Variants in CALCR observed in about 807,000 individuals in gnomAD.
The protein encoded by CALCR is calcitonin receptor.
A neutral mutation model predicts 59.5 loss-of-function variants in CALCR; 47 were observed. The ratio of observed to expected loss-of-function variants is 0.79; its 90% CI spans 0.63 to 1.01. CALCR has a LOEUF of 1.01. CALCR is among the 50% of genes least tolerant of loss of function. The pLI is 0.00. For synonymous variants in CALCR, 213 were observed against 211.3 expected (o/e 1.01, Z -0.07); for missense variants, 566 against 597.1 (o/e 0.95, Z 0.54).
At chr7:93,536,671 A>G (rs143655197) in intron 2 of CALCR, among the ~76,000 whole-genome samples, 1,551 of 151,928 alleles carry the variant, frequency 0.01, 12 homozygotes, top group Middle Eastern at 0.027. Context: ...CATTAGGTAT[A>G]TCTCCTAATG....
intron 13 of CALCR, among the ~76,000 whole-genome samples, chr7:93,428,719 G>A (rs1451261138): frequency 1.3e-5 from 2 of 151,398 alleles, no homozygotes; most frequent in Admixed American, 6.6e-5. Context: ...CCTGGGAGGC[G>A]GAGCTTGCAG....
At chr7:93,532,837 GCAAAAAAAA>G (rs770085757) in intron 2 of CALCR, among the ~76,000 whole-genome samples, 1 of 21,746 alleles carries the variant, frequency 4.6e-5, no homozygotes, top group South Asian at 1.3e-3. Flanking sequence ...CATGTCCAAA[GCAAAAAAAA>G]AAAAAAAAAA....
intron 2 of CALCR, among the ~76,000 whole-genome samples, chr7:93,494,571 A>G (rs1663828408): frequency 6.6e-6 from 1 of 151,502 alleles, no homozygotes; most frequent in Non-Finnish European, 1.5e-5. Flanking sequence ...TGGAACTATA[A>G]CAAATGCCTC....
At chr7:93,467,355 A>G (rs879325783) in intron 7 of CALCR, among the ~76,000 whole-genome samples, 1 of 151,682 alleles carries the variant, frequency 6.6e-6, no homozygotes, top group East Asian at 1.9e-4. Flanking sequence ...TTTGCTATCC[A>G]GTTAAAAATT....
At chr7:93,550,478 A>G (rs1789418355) in intron 2 of CALCR, among the ~76,000 whole-genome samples, 1 of 144,000 alleles carries the variant, frequency 6.9e-6, no homozygotes, top group East Asian at 2.0e-4. Context: ...ACAAGAGTAA[A>G]ACTCCGTCTC....
chr7:93,534,851 C>T (rs1432690849), intron 2 of CALCR, among the ~76,000 whole-genome samples: 2 of 151,568 alleles, frequency 1.3e-5, no homozygotes, highest in African/African-American at 4.8e-5. Context: ...TATAGATAAT[C>T]CCATACGGAA....
chr7:93,486,431 A>C (rs371823427), intron 3 of CALCR, among the ~76,000 whole-genome samples: 42 of 151,642 alleles, frequency 2.8e-4, no homozygotes, highest in African/African-American at 9.9e-4. Flanking sequence ...AAAGACTTGA[A>C]GTTTCCATAG....
At chr7:93,470,760 A>T (rs955662194) in intron 6 of CALCR, among the ~76,000 whole-genome samples, 2 of 150,264 alleles carry the variant, frequency 1.3e-5, no homozygotes, top group Non-Finnish European at 3.0e-5. Flanking sequence ...TTATTTTTTC[A>T]ATATTTTATT....
rs532626153 is a variant in CALCR at position 93,465,604 on chromosome 7, T to C, written c.521+3111A>G. 1.1e-4 allele frequency among the ~76,000 whole-genome samples: 17 copies of C among 152,114 alleles called. 1 individual carries two copies. The South Asian group carries it at 3.1e-3, about 28-fold the overall frequency. On this transcript the variant is annotated intron_variant, in intron 7 of 13. Transcript: ENST00000426151. ...AAGATTGTTAATGCTGACTTTTCCA[T>C]GAATTAAACCTGAAAAATCTTGTTT...
At chr7:93,570,265 T>C (rs188878430) in intron 2 of CALCR, among the ~76,000 whole-genome samples, 24 of 152,172 alleles carry the variant, frequency 1.6e-4, no homozygotes, top group African/African-American at 5.5e-4. Flanking sequence ...AGAAAACAAG[T>C]CTAACCATGT....
intron 3 of CALCR, chr7:93,484,088 C>T: frequency 2.2e-6 from 1 of 456,690 alleles, no homozygotes; most frequent in South Asian, 1.6e-5. Context: ...GAGTGCCTCT[C>T]ACATGTCAGG....
chr7:93,443,245 A>G (rs1263381557), intron 9 of CALCR, among the ~76,000 whole-genome samples: 1 of 152,150 alleles, frequency 6.6e-6, no homozygotes, highest in Non-Finnish European at 1.5e-5. Context: ...CAAAATGTGA[A>G]ATTCTCCTTT....
intron 7 of CALCR, among the ~76,000 whole-genome samples, chr7:93,464,889 G>A (rs894786577): frequency 1.3e-5 from 2 of 151,892 alleles, no homozygotes; most frequent in African/African-American, 4.8e-5. Flanking sequence ...TAGAGATGAC[G>A]TAGAACAAAG....
rs374099290 is a variant in CALCR at position 93,500,154 on chromosome 7, A to C, written c.-26-13147T>G. 5.3e-5 allele frequency among the ~76,000 whole-genome samples: 8 copies of C among 152,000 alleles called. No individual in the cohort carries two copies. In the East Asian group the frequency reaches 1.4e-3, roughly 26 times the overall value. On this transcript the variant is annotated intron_variant, in intron 2 of 13. Transcript: ENST00000426151. The stretch of plus-strand genomic sequence containing the variant: ...TAATTAAAACTCTATCATAGGGTCC[A>C]ACCTAGTTCATGTTCTAAATTACTA...
At chr7:93,561,304 G>A (rs1313658790) in intron 2 of CALCR, among the ~76,000 whole-genome samples, 1 of 151,920 alleles carries the variant, frequency 6.6e-6, no homozygotes, top group Admixed American at 6.6e-5. Flanking sequence ...TTTTTTTCAA[G>A]TGTAGCCTGC....
intron 13 of CALCR, among the ~76,000 whole-genome samples, chr7:93,433,949 G>A (rs111989528): frequency 3.1e-4 from 47 of 152,292 alleles, no homozygotes; most frequent in African/African-American, 1.1e-3. Flanking sequence ...AAGGGAATAG[G>A]AATATGACTT....
chr7:93,528,956 T>C (rs1788754008), intron 2 of CALCR, among the ~76,000 whole-genome samples: 1 of 152,208 alleles, frequency 6.6e-6, no homozygotes, highest in African/African-American at 2.4e-5. Flanking sequence ...ATTTATTTTG[T>C]AGTAATGGTG....
intron 2 of CALCR, among the ~76,000 whole-genome samples, chr7:93,492,394 T>C (rs1459578937): frequency 6.6e-6 from 1 of 151,386 alleles, no homozygotes; most frequent in African/African-American, 2.4e-5. Flanking sequence ...TTTCCAGATA[T>C]AAATTACTGT....
chr7:93,476,784 G>A (rs1800676002), intron 5 of CALCR, among the ~76,000 whole-genome samples: 1 of 151,862 alleles, frequency 6.6e-6, no homozygotes, highest in African/African-American at 2.4e-5. Flanking sequence ...GTCAATAAGG[G>A]CCTGAAGGAT....
Sources: allele counts gnomAD v4.1 joint callset (sites outside exome capture counted in the v4.1 genomes callset), GRCh38; gene constraint gnomAD v4.1.1; transcripts MANE v1.5; gene names NCBI Gene and HGNC (gene_info 2026-07-23, HGNC 2026-07-21).